The following SNAPC1 variants were observed in gnomAD, a reference collection of about 807,000 sequenced individuals.
SNAPC1 encodes small nuclear RNA activating complex polypeptide 1.
Under a neutral mutation model 50.1 loss-of-function variants are expected in SNAPC1, and 42 were observed. That is an observed-to-expected ratio of 0.84 (90% CI 0.65 to 1.08). SNAPC1 has a LOEUF of 1.08. SNAPC1 is among the 50% of genes least tolerant of loss of function. The pLI is 0.00. For missense variants in SNAPC1, 477 were observed against 427.3 expected, an observed-to-expected ratio of 1.12 and a Z score of -1.02; for synonymous variants, 164 against 144.2, an observed-to-expected ratio of 1.14 and a Z score of -0.98.
chr14:61,774,457 G>C (rs183896524), intron 4 of SNAPC1, among the ~76,000 whole-genome samples: 1 of 152,196 alleles, frequency 6.6e-6, no homozygotes, highest in East Asian at 1.9e-4. Context: ...CATCCATTGA[G>C]CAAATGACAG....
intron 9 of SNAPC1, among the ~76,000 whole-genome samples, chr14:61,794,412 T>C (rs1219681449): frequency 1.3e-5 from 2 of 152,116 alleles, no homozygotes; most frequent in Non-Finnish European, 2.9e-5. Context: ...TTTTTGTTTG[T>C]TTGTTTGTTT....
chr14:61,767,309 TA>T lies in SNAPC1; in HGVS notation c.387del (p.Arg130AspfsTer2). 6.5e-7 allele frequency: 1 copy of T among 1,531,756 alleles called. No homozygotes were observed. The allele number at this position is 1,531,756 out of a possible 1,614,324, so 94.9% of individuals were successfully genotyped here. A position where few individuals can be genotyped will look rare whatever the true frequency, so the allele number is the denominator to read the frequency against. On this transcript the variant is annotated frameshift_variant, in exon 3 of 10. Transcript: ENST00000216294. LOFTEE classifies it high-confidence loss of function. ...GATGCAGCTTATATTTTTAGGAAGC[TA>T]CGACTAGACAGAGCATTTCACTTTA... is the stretch of plus-strand genomic sequence containing the variant. ...HFDAAYIFRK[L>X]RLDRAFHFTA... is the part of the protein sequence containing the mutation.
chr14:61,783,463 T>C lies in SNAPC1; in HGVS notation c.976+1066T>C, dbSNP rs537130059. On this transcript the variant is annotated intron_variant, in intron 8 of 9. Coordinates refer to ENST00000216294, the MANE Select transcript of SNAPC1 (RefSeq NM_003082.4). ...GATGTCCTTTTTCTTTGACACGGTG[T>C]ATCTGTAAAATTACCTTTCTTCTTA... Among the ~76,000 whole-genome samples, 3 of 150,690 alleles carry C rather than the reference T, an allele frequency of 2.0e-5. No individual in the cohort carries two copies. The South Asian group carries it at 6.3e-4, about 32-fold the overall frequency.
intron 4 of SNAPC1, among the ~76,000 whole-genome samples, chr14:61,774,604 C>T (rs982036044): frequency 6.7e-6 from 1 of 149,838 alleles, no homozygotes; most frequent in South Asian, 2.1e-4. Context: ...CATTGCAGAT[C>T]CTGCATATAT....
chr14:61,788,571 A>G (rs1217351304), intron 8 of SNAPC1, among the ~76,000 whole-genome samples: 1 of 152,240 alleles, frequency 6.6e-6, no homozygotes, highest in East Asian at 1.9e-4. Flanking sequence ...GCAGACAGTC[A>G]GTGCATATAG....
intron 9 of SNAPC1, among the ~76,000 whole-genome samples, chr14:61,794,414 T>C (rs918258809): frequency 2.0e-5 from 3 of 152,086 alleles, no homozygotes; most frequent in African/African-American, 4.8e-5. Context: ...TTTGTTTGTT[T>C]GTTTGTTTTG....
chr14:61,796,005 C>G lies in SNAPC1; in HGVS notation c.*1022C>G, dbSNP rs1430721473. On this transcript the variant is annotated 3_prime_UTR_variant, in exon 10 of 10. Transcript: ENST00000216294. Reference sequence around the variant, plus strand: ...TACTGTACCCAGCCTTAACCTGTTTCACAGTTGATTATACTTCATGCTGTT... The same window carrying G: ...TACTGTACCCAGCCTTAACCTGTTTGACAGTTGATTATACTTCATGCTGTT... 6.6e-6 allele frequency: 1 copy of G among 152,086 alleles called. No individual in the cohort carries two copies. The highest frequency in any genetic ancestry group is 1.5e-5 in the Non-Finnish European group (1 of 68,026). The allele number at this position is 152,086 out of a possible 1,614,324, so 9.4% of individuals were successfully genotyped here.
Position 61,784,833 on chromosome 14 carries a change from C to G in SNAPC1, c.976+2436C>G, listed in dbSNP as rs530704181. Among the ~76,000 whole-genome samples the G allele has an allele frequency of 1.9e-3, 291 of 152,126 alleles. 3 individuals carry two copies. The highest frequency in any genetic ancestry group is 6.6e-3 in the African/African-American group (272 of 41,484). ...TATCACAGTTTTATTTAACGTTGCTCTTAAAGAGCTAGTCAGTGTAATTAG... is the reference window on the plus strand; with the variant it reads ...TATCACAGTTTTATTTAACGTTGCTGTTAAAGAGCTAGTCAGTGTAATTAG... On this transcript the variant is annotated intron_variant, in intron 8 of 9. Transcript: ENST00000216294.
chr14:61,785,590 T>C (rs1188513569), intron 8 of SNAPC1, among the ~76,000 whole-genome samples: 1 of 152,144 alleles, frequency 6.6e-6, no homozygotes, highest in African/African-American at 2.4e-5. Flanking sequence ...ATGTGCCCAG[T>C]GTGGTCGGGA....
intron 9 of SNAPC1, among the ~76,000 whole-genome samples, chr14:61,793,881 C>T (rs1357731157): frequency 6.6e-6 from 1 of 152,080 alleles, no homozygotes; most frequent in African/African-American, 2.4e-5. Flanking sequence ...GTCTTGAACT[C>T]CTGACCTTAA....
At chr14:61,779,875 A>G (rs1250355056) in intron 7 of SNAPC1, among the ~76,000 whole-genome samples, 1 of 151,842 alleles carries the variant, frequency 6.6e-6, no homozygotes, top group East Asian at 1.9e-4. Flanking sequence ...CGCATGGCTA[A>G]TTTTGTATTT....
intron 5 of SNAPC1, among the ~76,000 whole-genome samples, chr14:61,776,991 A>G (rs1237912835): frequency 1.3e-5 from 2 of 152,226 alleles, no homozygotes; most frequent in African/African-American, 4.8e-5. Context: ...TTTTGAAACT[A>G]TTACTCCATC....
Position 61,762,459 on chromosome 14 carries a change from C to CTTCGGAGG in SNAPC1, c.-2_-1insTTCGGAGG. The CTTCGGAGG allele has an allele frequency of 6.2e-7, 1 of 1,612,642 alleles. No homozygotes were observed. The stretch of plus-strand genomic sequence containing the variant: ...TTCGGAGGCGTGCGGGCTTCGGGTG[C>CTTCGGAGG]CATGGGGACTCCTCCCGGCCTGCAG... On this transcript the variant is annotated 5_prime_UTR_variant, in exon 1 of 10. Coordinates refer to ENST00000216294, the MANE Select transcript of SNAPC1 (RefSeq NM_003082.4).
intron 7 of SNAPC1, among the ~76,000 whole-genome samples, chr14:61,780,604 TTG>T (rs1229984098): frequency 4.6e-5 from 7 of 152,224 alleles, no homozygotes; most frequent in African/African-American, 9.6e-5. Context: ...AATGCAAAGT[TTG>T]TGACTATTTT....
Position 61,766,985 on chromosome 14 carries a change from T to C in SNAPC1, c.238T>C (p.Tyr80His). The change falls in exon 2 of 10, where the codon TAT (tyrosine) becomes CAT (histidine). Residue 80 changes from tyrosine (Y) to histidine (H), a missense_variant. Transcript: ENST00000216294. The part of the protein sequence containing the change: ...YTFQIRVGAL[Y>H]LLYGLYNTQL... Reference sequence around the variant, plus strand: ...CTTCCAGATCAGAGTTGGTGCTTTGTATCTGCTATATGGATTATATAATAC... The same window carrying C: ...CTTCCAGATCAGAGTTGGTGCTTTGCATCTGCTATATGGATTATATAATAC... 1 of 1,611,180 alleles carries C rather than the reference T, an allele frequency of 6.2e-7. No homozygotes were observed. Among genetic ancestry groups the C allele is most frequent in the Non-Finnish European group, 8.5e-7 (1 of 1,177,470 alleles).
At chr14:61,787,074 C>T (rs1188790046) in intron 8 of SNAPC1, among the ~76,000 whole-genome samples, 1 of 152,200 alleles carries the variant, frequency 6.6e-6, no homozygotes, top group South Asian at 2.1e-4. Flanking sequence ...ATATGACATT[C>T]TGGAAGAGGC....
At chr14:61,774,908 C>A (rs2045023544) in intron 4 of SNAPC1, among the ~76,000 whole-genome samples, 1 of 151,928 alleles carries the variant, frequency 6.6e-6, no homozygotes, top group South Asian at 2.1e-4. Context: ...GGTGATCTGC[C>A]CACCTTGGCC....
intron 1 of SNAPC1, among the ~76,000 whole-genome samples, chr14:61,765,155 G>A (rs1178202522): frequency 1.3e-5 from 2 of 152,138 alleles, no homozygotes; most frequent in African/African-American, 2.4e-5. Context: ...ATCCAAAGTG[G>A]TAAGAAGACT....
chr14:61,766,848 C>T (rs547318581), intron 1 of SNAPC1, 28 bp from the exon 2 acceptor site: 22 of 1,437,764 alleles, frequency 1.5e-5, no homozygotes, highest in African/African-American at 9.9e-5. Flanking sequence ...CTTAATGAGT[C>T]GTAATATATT....
Sources: gnomAD v4.1 joint callset for allele counts (sites outside exome capture counted in the v4.1 genomes callset) on GRCh38, gnomAD v4.1.1 for gene constraint, MANE v1.5 for transcripts, NCBI Gene and HGNC (gene_info 2026-07-23, HGNC 2026-07-21) for gene names.